The following EIF2D variants were observed in gnomAD, a reference collection of about 807,000 sequenced individuals.
The protein encoded by EIF2D is hepatocellular carcinoma-associated antigen 56.
A neutral mutation model predicts 77.4 loss-of-function variants in EIF2D; 56 were observed. The observed-to-expected ratio is 0.72, with a 90% CI of 0.58 to 0.90. The LOEUF is 0.90. EIF2D is among the 40% of genes least tolerant of loss of function. The probability of loss-of-function intolerance (pLI) is 0.00; values close to 1 mark genes in which losing one functional copy is unlikely to be tolerated. For synonymous variants in EIF2D, 230 were observed against 271.0 expected, an observed-to-expected ratio of 0.85 and a Z score of 1.49; for missense variants, 574 against 706.5, an observed-to-expected ratio of 0.81 and a Z score of 2.13.
At chr1:206,578,482 A>G (rs1668742393) in intron 4 of EIF2D, among the ~76,000 whole-genome samples, 1 of 152,184 alleles carries the variant, frequency 6.6e-6, no homozygotes, top group Admixed American at 6.5e-5. Context: ...GTCATCATTC[A>G]GGGCTGGAGT....
At chr1:206,607,685 GACA>G (rs1287735294) in intron 4 of EIF2D, among the ~76,000 whole-genome samples, 8 of 151,520 alleles carry the variant, frequency 5.3e-5, no homozygotes, top group Admixed American at 2.6e-4. Flanking sequence ...GGTGATGAAA[GACA>G]ACAACAACAA....
chr1:206,598,462 C>T (rs1669755421), intron 11 of EIF2D, among the ~76,000 whole-genome samples: 1 of 152,134 alleles, frequency 6.6e-6, no homozygotes. Context: ...TAAGTTTAGT[C>T]TTTGAGAGCA....
chr1:206,601,696 C>T (rs1250901864), intron 7 of EIF2D: 1 of 152,136 alleles, frequency 6.6e-6, no homozygotes, highest in Non-Finnish European at 1.5e-5. Context: ...TACAGCAATC[C>T]CATGATTATT....
intron 2 of EIF2D, chr1:206,583,479 G>A (rs1282842840): frequency 2.4e-6 from 2 of 819,608 alleles, no homozygotes; most frequent in African/African-American, 1.7e-5. Context: ...CTCCCTGGCA[G>A]GTCCCCTCCC....
chr1:206,593,680 C>G lies in EIF2D; in HGVS notation c.1623G>C (p.Lys541Asn). 6.2e-7 allele frequency: 1 copy of G among 1,613,964 alleles called. No individual in the cohort carries two copies. The highest frequency in any genetic ancestry group is 1.1e-5 in the South Asian group (1 of 91,054). Residue 541 changes from lysine to asparagine, a missense_variant, in exon 14 of 15, where the codon AAG (lysine) becomes AAC (asparagine). Lys to Asn is a moderately conservative substitution (Grantham distance 94). Transcript: ENST00000271764. ...CCTGGATCTGCACCTGAAGGCTGTCCTTGGCCCCAGGGGCAGGATTGACGG... is the reference window on the plus strand; with the variant it reads ...CCTGGATCTGCACCTGAAGGCTGTCGTTGGCCCCAGGGGCAGGATTGACGG... ...STTVNPAPGAKDSLQVQIQGN... is the reference protein window; with the variant it reads ...STTVNPAPGANDSLQVQIQGN...
At chr1:206,590,196 T>A (rs1669298697), downstream of EIF2D, among the ~76,000 whole-genome samples, 1 of 152,178 alleles carries the variant, frequency 6.6e-6, no homozygotes, top group African/African-American at 2.4e-5. Context: ...AATGCAAATG[T>A]GTCACCGTTA....
At chr1:206,585,610 T>G in intron 2 of EIF2D, 1 of 223,908 alleles carries the variant, frequency 4.5e-6, no homozygotes, top group Non-Finnish European at 9.0e-6. Flanking sequence ...ACAGGCTGTT[T>G]TTGCTTCAAA....
At chr1:206,571,977 G>A (rs1350678560) in intron 5 of EIF2D, among the ~76,000 whole-genome samples, 2 of 152,138 alleles carry the variant, frequency 1.3e-5, no homozygotes, top group African/African-American at 4.8e-5. Context: ...GAGCTAAAAA[G>A]GGGGCTTCAT....
chr1:206,605,182 G>A (rs1399136903), intron 5 of EIF2D: 1 of 425,936 alleles, frequency 2.3e-6, no homozygotes, highest in Non-Finnish European at 4.2e-6. Context: ...TTGGGTCTAA[G>A]ATTCTATAAT....
chr1:206,597,588 G>C (rs1173977273), intron 11 of EIF2D, among the ~76,000 whole-genome samples: 1 of 152,008 alleles, frequency 6.6e-6, no homozygotes, highest in Admixed American at 6.5e-5. Context: ...AGGCTGAGGC[G>C]GGAGGATCAC....
rs530177422 is a variant in EIF2D, at chr1:206,597,683, G to A, written c.1293-488C>T. Among the ~76,000 whole-genome samples the A allele has an allele frequency of 3.4e-3, 522 of 152,264 alleles. 3 individuals carry two copies. The highest frequency in any genetic ancestry group is 0.012 in the African/African-American group (508 of 41,560). On this transcript the variant is annotated intron_variant, in intron 11 of 14. Transcript: ENST00000271764. ...AATAGGGCCGGGCGCAGTGGCCCAC[G>A]CCTGTAATCCCAGCACTTTGGGACG...
chr1:206,591,198 G>C (rs1185529265), downstream of EIF2D, among the ~76,000 whole-genome samples: 2 of 152,232 alleles, frequency 1.3e-5, no homozygotes, highest in African/African-American at 4.8e-5. Context: ...GTTAGTGGCA[G>C]TGTCCTAAAG....
rs1670541078 is a variant in EIF2D, at chr1:206,612,307, C to T, written c.36G>A (p.Thr12=). ...FAKAFRVKSN[T]AIKGSDRRKL... Reference sequence around the variant, plus strand: ...CTCACCTGTCCGACCCCTTGATGGCCGTGTTGGACTTGACCCGAAAGGCCT... The same window carrying T: ...CTCACCTGTCCGACCCCTTGATGGCTGTGTTGGACTTGACCCGAAAGGCCT... Residue 12 remains threonine (T), a synonymous_variant, in exon 1 of 15, where the codon ACG becomes ACA. Coordinates refer to ENST00000271764, the MANE Select transcript of EIF2D (RefSeq NM_006893.3). 7 of 1,614,258 alleles carry T rather than the reference C, an allele frequency of 4.3e-6. No individual in the cohort carries two copies. The highest frequency in any genetic ancestry group is 1.1e-5 in the South Asian group (1 of 91,084).
Position 206,599,383 on chromosome 1 carries a change from A to T in EIF2D, c.1202+80T>A. The T allele has an allele frequency of 1.3e-6, 2 of 1,556,912 alleles. No individual in the cohort carries two copies. Among genetic ancestry groups the T allele is most frequent in the Non-Finnish European group, 1.7e-6 (2 of 1,150,058 alleles). ...GGCAGAGCAGGTTTTGCCAGTCGCAAAAGAGCACTACTCAGGTTGAGAGGA... is the reference window on the plus strand; with the variant it reads ...GGCAGAGCAGGTTTTGCCAGTCGCATAAGAGCACTACTCAGGTTGAGAGGA... On this transcript the variant is annotated intron_variant, in intron 10 of 14. Coordinates refer to ENST00000271764, the MANE Select transcript of EIF2D (RefSeq NM_006893.3). The surrounding 1 kb of genome is among the most constrained non-coding windows in gnomAD (Gnocchi z 4.1).
chr1:206,611,515 C>T, intron 1 of EIF2D, 141 bp from the exon 2 acceptor site: 1 of 638,518 alleles, frequency 1.6e-6, no homozygotes, highest in South Asian at 2.1e-5. Flanking sequence ...GTCTCACACA[C>T]ACTCTTCTGA....
rs114597699 is a variant in EIF2D at position 206,603,084 on chromosome 1, G to A, written c.651C>T (p.His217=). Residue 217 remains histidine, a synonymous_variant, in exon 6 of 15, where the codon CAC becomes CAT. Coordinates refer to ENST00000271764, the MANE Select transcript of EIF2D (RefSeq NM_006893.3). ...MDSTLQGDMR[H]MTLEGEEENG... ...TCTCCTCTTCCCCCTCCAGGGTCAT[G>A]TGCCTCATGTCTCCCTGCAGGGTGG... is the stretch of plus-strand genomic sequence containing the variant. 9 of 1,614,078 alleles carry A rather than the reference G, an allele frequency of 5.6e-6. No homozygotes were observed. The South Asian group carries it at 6.6e-5, about 12-fold the overall frequency.
At chr1:206,572,014 A>C (rs1668469981) in intron 5 of EIF2D, among the ~76,000 whole-genome samples, 1 of 152,156 alleles carries the variant, frequency 6.6e-6, no homozygotes, top group Non-Finnish European at 1.5e-5. Flanking sequence ...GGAGAACAGA[A>C]ATGGAAAGGA....
chr1:206,602,685 G>T, intron 6 of EIF2D: 1 of 643,128 alleles, frequency 1.6e-6, no homozygotes, highest in Non-Finnish European at 2.6e-6. Context: ...ACCCAGAGAA[G>T]TTGAGCCAGA....
At chr1:206,582,369 T>A (rs1668925688) in intron 2 of EIF2D, among the ~76,000 whole-genome samples, 1 of 152,180 alleles carries the variant, frequency 6.6e-6, no homozygotes, top group Admixed American at 6.5e-5. Flanking sequence ...AGGAACACAA[T>A]GGGACAGACC....
Sources: allele counts gnomAD v4.1 joint callset (sites outside exome capture counted in the v4.1 genomes callset), GRCh38; gene constraint gnomAD v4.1.1; non-coding constraint Gnocchi (gnomAD v3.1); transcripts MANE v1.5; gene names NCBI Gene and HGNC (gene_info 2026-07-23, HGNC 2026-07-21).